The following SGSM2 variants were observed in gnomAD, a reference collection of about 807,000 sequenced individuals.
The protein encoded by SGSM2 is small G protein signaling modulator 2.
SGSM2 carries 89 observed loss-of-function variants against 126.6 expected under a neutral mutation model. The observed-to-expected ratio is 0.70, with a 90% CI of 0.59 to 0.84. The LOEUF is 0.84. Ranked by LOEUF, SGSM2 falls within the 40% of genes least tolerant of loss-of-function variation. The pLI, the probability that SGSM2 is intolerant of heterozygous loss-of-function variation, is 0.00. For synonymous variants in SGSM2, 614 were observed against 574.3 expected, an observed-to-expected ratio of 1.07 and a Z score of -0.99; for missense variants, 1,404 against 1,416.6, an observed-to-expected ratio of 0.99 and a Z score of 0.14.
In SGSM2 at chr17:2,362,470, T is replaced by A. The variant is rs1357914822; in HGVS notation, c.458+200T>A. Among the ~76,000 whole-genome samples, 1 of 133,518 alleles carries A rather than the reference T, an allele frequency of 7.5e-6. No homozygotes were observed. The highest frequency in any genetic ancestry group is 1.6e-5 in the Non-Finnish European group (1 of 63,364). The allele number at this position is 133,518 out of a possible 152,430, so 87.6% of individuals were successfully genotyped here. On this transcript the variant is annotated intron_variant, in intron 4 of 23. Transcript: ENST00000268989. This position sits in a 1 kb window ranked among gnomAD's most constrained non-coding sequence, Gnocchi z 4.9. ...GGTGACCGCCCCGTTCCCCAAAAAC[T>A]GCAGGTGACCGCCCCGTTCCCCAAA... is the stretch of plus-strand genomic sequence containing the variant.
chr17:2,363,615 C>G lies in SGSM2; in HGVS notation c.807+16C>G. The G allele has an allele frequency of 6.2e-7, 1 of 1,611,202 alleles. No individual in the cohort carries two copies. The highest frequency in any genetic ancestry group is 8.5e-7 in the Non-Finnish European group (1 of 1,178,228). On this transcript the variant is annotated intron_variant, in intron 7 of 23. Coordinates refer to ENST00000268989, the MANE Select transcript of SGSM2 (RefSeq NM_014853.3). This position sits in a 1 kb window ranked among gnomAD's most constrained non-coding sequence, Gnocchi z 4.2. ...GGTGCAGCCGGTAGGAAAGCTTCAT[C>G]CTGCCATCCCTCCCCGAAGGTCCCC... is the stretch of plus-strand genomic sequence containing the variant.
At chr17:2,339,328 C>G (rs960316449) in intron 1 of SGSM2, among the ~76,000 whole-genome samples, 8 of 151,914 alleles carry the variant, frequency 5.3e-5, no homozygotes, top group Non-Finnish European at 1.2e-4. Context: ...CCCAGCTACT[C>G]GGGAGGCTGT....
At chr17:2,339,199 G>A (rs370563003) in intron 1 of SGSM2, among the ~76,000 whole-genome samples, 5 of 152,154 alleles carry the variant, frequency 3.3e-5, no homozygotes, top group Non-Finnish European at 7.4e-5. Flanking sequence ...AGGCTGAGGC[G>A]GGTAGATCAC....
At chr17:2,357,642 T>C (rs907731206) in intron 2 of SGSM2, among the ~76,000 whole-genome samples, 1 of 152,096 alleles carries the variant, frequency 6.6e-6, no homozygotes, top group African/African-American at 2.4e-5. Flanking sequence ...GGACTACAGG[T>C]GCCCACCACG....
chr17:2,379,343 C>A, intron 23 of SGSM2, 89 bp from the exon 24 acceptor site: 3 of 1,560,098 alleles, frequency 1.9e-6, no homozygotes, highest in Non-Finnish European at 8.8e-7. Flanking sequence ...TCTAGCAGAG[C>A]AGATGGAAAC....
Position 2,354,192 on chromosome 17 carries a change from C to T in SGSM2, c.134-7445C>T, listed in dbSNP as rs556662337. On this transcript the variant is annotated intron_variant, in intron 2 of 23. Transcript: ENST00000268989. ...AAACTGTTGGGACTATAGATGTGAG[C>T]CACTGCACCTGACCTAGAGTTTTTT... Among the ~76,000 whole-genome samples the T allele has an allele frequency of 2.5e-5, 3 of 121,244 alleles. No homozygotes were observed. The East Asian group carries it at 8.5e-4, about 34-fold the overall frequency. 79.5% of individuals were successfully genotyped at this position (121,244 alleles called of 152,430 possible).
chr17:2,357,065 C>T (rs1412265268), intron 2 of SGSM2, among the ~76,000 whole-genome samples: 4 of 152,044 alleles, frequency 2.6e-5, no homozygotes, highest in Non-Finnish European at 4.4e-5. Context: ...TGGTCTCCAG[C>T]CGTGTGTAGC....
rs746666194 is a variant in SGSM2, at chr17:2,379,021, G to C, written c.2900-15G>C. ...CGGCTAGGACGGGTGAGCAGCAGCCGCTTACTCTCCGCAGAACTGCTGTAT... is the reference window on the plus strand; with the variant it reads ...CGGCTAGGACGGGTGAGCAGCAGCCCCTTACTCTCCGCAGAACTGCTGTAT... On this transcript the variant is annotated splice_polypyrimidine_tract_variant and intron_variant, in intron 22 of 23. Transcript: ENST00000268989. 1 of 1,609,888 alleles carries C rather than the reference G, an allele frequency of 6.2e-7. No homozygotes were observed. Among genetic ancestry groups the C allele is most frequent in the Non-Finnish European group, 8.5e-7 (1 of 1,177,228 alleles).
chr17:2,378,926 C>A (rs113865642), intron 22 of SGSM2, 110 bp from the exon 23 acceptor site: 6 of 1,163,448 alleles, frequency 5.2e-6, no homozygotes, highest in African/African-American at 2.0e-5. Context: ...CAGCCCCAGC[C>A]TCAGCCTCAG....
intron 2 of SGSM2, among the ~76,000 whole-genome samples, chr17:2,354,236 G>A (rs1239954081): frequency 6.6e-6 from 1 of 151,596 alleles, no homozygotes; most frequent in Non-Finnish European, 1.5e-5. Context: ...TTTTAGTAGA[G>A]ACGGGGTTTC....
At position 2,379,428 on chromosome 17, in the gene SGSM2, C is replaced by G. The variant is rs202181678; in HGVS notation, c.3068-4C>G. On this transcript the variant is annotated splice_region_variant and splice_polypyrimidine_tract_variant and intron_variant, in intron 23 of 23. Coordinates refer to ENST00000268989, the MANE Select transcript of SGSM2 (RefSeq NM_014853.3). ...TCTCTACAGCTCTTCACGTTTCCCC[C>G]CAGAACGTGCTGAGCATCACGATGC... The G allele has an allele frequency of 4.2e-4, 677 of 1,611,800 alleles. 1 individual carries two copies. Among genetic ancestry groups the G allele is most frequent in the Non-Finnish European group, 3.4e-4 (397 of 1,178,474 alleles).
chr17:2,357,298 T>C (rs148703561), intron 2 of SGSM2, among the ~76,000 whole-genome samples: 2 of 152,142 alleles, frequency 1.3e-5, no homozygotes, highest in Non-Finnish European at 2.9e-5. Flanking sequence ...TGGGATGGGC[T>C]GACAGGGTAG....
intron 12 of SGSM2, 85 bp from the exon 13 acceptor site, chr17:2,371,177 T>C: frequency 7.0e-7 from 1 of 1,422,936 alleles, no homozygotes; most frequent in Non-Finnish European, 9.3e-7. Flanking sequence ...ATGCTGCAGC[T>C]CTGGGCACAG....
chr17:2,375,916 G>A, intron 18 of SGSM2, 41 bp downstream of exon 18: 1 of 1,509,154 alleles, frequency 6.6e-7, no homozygotes, highest in South Asian at 1.3e-5. Context: ...CCGCCCCAGA[G>A]GCCCTCCTGA....
Position 2,362,853 on chromosome 17 carries a change from G to T in SGSM2, c.474G>T (p.Lys158Asn), listed in dbSNP as rs202174098. 6.2e-7 allele frequency: 1 copy of T among 1,614,142 alleles called. No homozygotes were observed. Among genetic ancestry groups the T allele is most frequent in the South Asian group, 1.1e-5 (1 of 91,080 alleles). The change falls in exon 5 of 24, where the codon AAG becomes AAT. Residue 158 changes from lysine to asparagine, a missense_variant. Physicochemically the swap from Lys to Asn is moderately conservative, Grantham distance 94. Coordinates refer to ENST00000268989, the MANE Select transcript of SGSM2 (RefSeq NM_014853.3). The surrounding 1 kb of genome is among the most constrained non-coding windows in gnomAD (Gnocchi z 4.9). ...LAENCSKYYE[K>N]EALLADPVFG... Reference sequence around the variant, plus strand: ...CTCCTGGCAGCAAGTACTACGAGAAGGAGGCACTGCTGGCAGACCCTGTGT... The same window carrying T: ...CTCCTGGCAGCAAGTACTACGAGAATGAGGCACTGCTGGCAGACCCTGTGT...
chr17:2,345,558 T>C (rs1036745322), intron 2 of SGSM2, among the ~76,000 whole-genome samples: 18 of 142,936 alleles, frequency 1.3e-4, no homozygotes, highest in Admixed American at 9.0e-4. Context: ...ATCGCGCCAC[T>C]GCACTCCAGC....
chr17:2,348,102 C>T (rs2064683534), intron 2 of SGSM2, among the ~76,000 whole-genome samples: 2 of 152,204 alleles, frequency 1.3e-5, no homozygotes, highest in South Asian at 2.1e-4. Flanking sequence ...AACCAGCTCC[C>T]TGTTGCTAGG....
At chr17:2,377,120 C>A in intron 21 of SGSM2, 52 bp downstream of exon 21, 2 of 1,131,484 alleles carry the variant, frequency 1.8e-6, no homozygotes, top group Admixed American at 2.0e-5. Context: ...CTGGGCTGGT[C>A]CATCGTCCAC....
At chr17:2,376,629 G>C in intron 19 of SGSM2, 104 bp from the exon 20 acceptor site, 1 of 1,261,706 alleles carries the variant, frequency 7.9e-7, no homozygotes, top group African/African-American at 1.5e-5. Context: ...GTCGTGGAAA[G>C]GCTGACTTCT....
Sources: allele counts gnomAD v4.1 joint callset (sites outside exome capture counted in the v4.1 genomes callset), GRCh38; gene constraint gnomAD v4.1.1; non-coding constraint Gnocchi (gnomAD v3.1); transcripts MANE v1.5; gene names NCBI Gene and HGNC (gene_info 2026-07-23, HGNC 2026-07-21).